KCP: variants seen among roughly 807,000 people sequenced by gnomAD.
KCP encodes the protein kielin cysteine rich BMP regulator.
KCP carries 194 observed loss-of-function variants against 212.7 expected under a neutral mutation model. The ratio of observed to expected loss-of-function variants is 0.91; its 90% CI spans 0.81 to 1.03. The LOEUF (loss-of-function observed/expected upper bound fraction) is 1.03. KCP is among the 50% of genes least tolerant of loss of function. The pLI, the probability that KCP is intolerant of heterozygous loss-of-function variation, is 0.00. For synonymous variants in KCP, 833 were observed against 865.3 expected (o/e 0.96, Z 0.65); for missense variants, 2,080 against 2,162.5 (o/e 0.96, Z 0.76).
chr7:128,880,512 G>T lies in KCP; in HGVS notation c.3633C>A (p.Cys1211Ter). The T allele has an allele frequency of 2.0e-6, 3 of 1,509,572 alleles. No individual in the cohort carries two copies. The highest frequency in any genetic ancestry group is 2.7e-6 in the Non-Finnish European group (3 of 1,120,930). The allele number at this position is 1,509,572 out of a possible 1,614,324, so 93.5% of individuals were successfully genotyped here. A position where few individuals can be genotyped will look rare whatever the true frequency, so the allele number is the denominator to read the frequency against. ...AGGCCACCTCACGGCCCTGGTGCAC[G>T]CAGGACTGGGTGGGAGCTGAAGGGA... ...CERCQAPTQS[C>*]VHQGREVASG... Residue 1211 changes from cysteine (C) to a stop codon, truncating the protein, a stop_gained, in exon 34 of 40, where the codon TGC (cysteine) becomes TGA (stop). Coordinates refer to ENST00000610776, the MANE Select transcript of KCP (RefSeq NM_001366122.1). LOFTEE classifies it high-confidence loss of function.
Position 128,893,821 on chromosome 7 carries a change from AGCACT to A in KCP, c.1079_1083del (p.Gln360LeufsTer8). The A allele has an allele frequency of 1.9e-6, 3 of 1,551,072 alleles. No individual in the cohort carries two copies. In the East Asian group the frequency reaches 7.3e-5, roughly 38 times the overall value. On this transcript the variant is annotated frameshift_variant, in exon 11 of 40. Transcript: ENST00000610776. LOFTEE classifies it high-confidence loss of function. ...CCCCACTCACCATCGCAGACAGGGCAGCACTGCCCAGGGATCTTGCCTGGGTGTCT... is the reference window on the plus strand; with the variant it reads ...CCCCACTCACCATCGCAGACAGGGCAGCCCAGGGATCTTGCCTGGGTGTCT...
chr7:128,890,639 G>T, intron 20 of KCP, 126 bp from the exon 21 acceptor site: 2 of 734,722 alleles, frequency 2.7e-6, no homozygotes, highest in East Asian at 5.6e-5. Context: ...GGTCGTGGGG[G>T]CTGGGGGTCC....
rs2128947393 is a variant in KCP, at chr7:128,891,443, A to G, written c.1878+8T>C. 1 of 1,550,136 alleles carries G rather than the reference A, an allele frequency of 6.5e-7. No individual in the cohort carries two copies. Among genetic ancestry groups the G allele is most frequent in the Admixed American group, 2.0e-5 (1 of 50,994 alleles). ...CCCTGGGCGCCTCCCACCCAGGTGCAGACTCACCAGACAGCGACACAGACG... is the reference window on the plus strand; with the variant it reads ...CCCTGGGCGCCTCCCACCCAGGTGCGGACTCACCAGACAGCGACACAGACG... On this transcript the variant is annotated splice_region_variant and intron_variant, in intron 18 of 39. Transcript: ENST00000610776.
rs1794074807 is a variant in KCP, at chr7:128,890,905, C to T, written c.2164G>A (p.Gly722Ser). Residue 722 changes from glycine (G) to serine (S), a missense_variant and splice_region_variant, in exon 20 of 40, where the codon GGC (glycine) becomes AGC (serine). Transcript: ENST00000610776. ...RQGPCCPSCD[G>S]CLYQGKEFAS... The stretch of plus-strand genomic sequence containing the variant: ...GGGAGGGGCACCGCCAGGGCGTTAC[C>T]GTCGCAGGAGGGGCAGCAAGGCCCC... 1 of 1,246,246 alleles carries T rather than the reference C, an allele frequency of 8.0e-7. No individual in the cohort carries two copies. The highest frequency in any genetic ancestry group is 1.0e-6 in the Non-Finnish European group (1 of 1,000,092). The allele number at this position is 1,246,246 out of a possible 1,614,324, so 77.2% of individuals were successfully genotyped here. A position where few individuals can be genotyped will look rare whatever the true frequency, so the allele number is the denominator to read the frequency against.
chr7:128,877,455 C>T (rs773503937), intron 39 of KCP, 29 bp downstream of exon 39: 1 of 1,549,064 alleles, frequency 6.5e-7, no homozygotes. Context: ...TGAGCCTCCC[C>T]CAACCTGCAG....
chr7:128,904,254 G>A (rs1272786798), intron 5 of KCP, 116 bp from the exon 6 acceptor site: 6 of 1,542,716 alleles, frequency 3.9e-6, no homozygotes, highest in African/African-American at 1.4e-5. Context: ...AAGGGATGGC[G>A]GGGCAGGGCA....
intron 29 of KCP, among the ~76,000 whole-genome samples, chr7:128,883,326 G>C (rs1409710815): frequency 1.3e-5 from 2 of 152,014 alleles, no homozygotes; most frequent in East Asian, 3.9e-4. Context: ...TTTTAGTAGA[G>C]ACGGGGTTTC....
Position 128,877,048 on chromosome 7 carries a change from G to A in KCP, c.4882C>T (p.Pro1628Ser), listed in dbSNP as rs1252380711. 6.5e-7 allele frequency: 1 copy of A among 1,532,770 alleles called. No individual in the cohort carries two copies. Among genetic ancestry groups the A allele is most frequent in the Non-Finnish European group, 8.8e-7 (1 of 1,142,260 alleles). 94.9% of individuals were successfully genotyped at this position (1,532,770 alleles called of 1,614,324 possible). A position where few individuals can be genotyped will look rare whatever the true frequency, so the allele number is the denominator to read the frequency against. The change falls in exon 40 of 40, where the codon CCC (proline) becomes TCC (serine). Residue 1628 changes from proline (P) to serine (S), a missense_variant. By Grantham distance (74) the Pro-to-Ser change is moderately conservative. Transcript: ENST00000610776. ...PSPSREPQET[P>S] ...TTATCAGGCACTGTCCTGGCTCAGG[G>A]TGTCTCCTGGGGCTCCCGGCTGGGG...
chr7:128,909,131 T>C (rs1013382093), intron 1 of KCP, among the ~76,000 whole-genome samples: 1 of 152,170 alleles, frequency 6.6e-6, no homozygotes, highest in Admixed American at 6.5e-5. Flanking sequence ...ACGGGGCACC[T>C]CTGAGCTCTG....
In KCP at chr7:128,892,957, G is replaced by A; in HGVS notation, c.1332C>T (p.Cys444=). 3 of 1,327,128 alleles carry A rather than the reference G, an allele frequency of 2.3e-6. No homozygotes were observed. The highest frequency in any genetic ancestry group is 3.2e-6 in the Non-Finnish European group (3 of 941,976). 82.2% of individuals were successfully genotyped at this position (1,327,128 alleles called of 1,614,324 possible). A position where few individuals can be genotyped will look rare whatever the true frequency, so the allele number is the denominator to read the frequency against. Residue 444 remains cysteine, a synonymous_variant, in exon 14 of 40, where the codon TGC becomes TGT. Coordinates refer to ENST00000610776, the MANE Select transcript of KCP (RefSeq NM_001366122.1). ...GVQWEPDGRP[C]TACVCQDGVP... ...CCCCATCTTGACAGACGCAGGCGGT[G>A]CAGGGCCGACCATCAGGCTCCCACT...
rs941449962 is a variant in KCP at position 128,888,984 on chromosome 7, TC to T, written c.2390del (p.Arg797GlnfsTer14). The T allele has an allele frequency of 7.1e-6, 11 of 1,542,886 alleles. No homozygotes were observed. Among genetic ancestry groups the T allele is most frequent in the African/African-American group, 1.4e-5 (1 of 72,388 alleles). On this transcript the variant is annotated frameshift_variant, in exon 22 of 40. Transcript: ENST00000610776. LOFTEE classifies it high-confidence loss of function. ...YLSNQEFPDP[R>X]EPCNLCTCLG... ...GACAGGTACACAGGTTGCAGGGTTC[TC>T]GGGGGTCTGGGAACTCCTGGTTACT...
At position 128,903,755 on chromosome 7, in the gene KCP, C is replaced by T; in HGVS notation, c.720G>A (p.Arg240=). 6.4e-7 allele frequency: 1 copy of T among 1,550,986 alleles called. No homozygotes were observed. Among genetic ancestry groups the T allele is most frequent in the Non-Finnish European group, 8.7e-7 (1 of 1,146,702 alleles). ...GGCAGGTTGGGCAGCAGTGCCCAGG[C>T]CTCAGCACTGGCTCTGGGCAGGGGC... The part of the protein sequence containing the change: ...PPSPCPEPVL[R]PGHCCPTCQG... The change falls in exon 7 of 40, where the codon AGG becomes AGA. Residue 240 remains arginine, a synonymous_variant. Transcript: ENST00000610776.
chr7:128,878,035 G>A (rs1422248402), intron 38 of KCP, among the ~76,000 whole-genome samples: 1 of 152,020 alleles, frequency 6.6e-6, no homozygotes, highest in Non-Finnish European at 1.5e-5. Context: ...CAAGGCTTGA[G>A]GGTTCAGGTA....
intron 32 of KCP, 115 bp from the exon 33 acceptor site, chr7:128,880,836 C>T (rs1585195448): frequency 1.2e-5 from 5 of 402,058 alleles, no homozygotes; most frequent in East Asian, 7.1e-5. Flanking sequence ...ATACATTCTT[C>T]ACAGTTCAAG....
At chr7:128,906,462 G>T (rs529571417) in intron 4 of KCP, 99 bp from the exon 5 acceptor site, 8 of 858,186 alleles carry the variant, frequency 9.3e-6, no homozygotes, top group African/African-American at 1.7e-5. Context: ...ATGTCATAGG[G>T]GCAAGAGGAT....
At chr7:128,885,074 C>G (rs1793562946) in intron 27 of KCP, 23 bp downstream of exon 27, 1 of 1,550,496 alleles carries the variant, frequency 6.4e-7, no homozygotes, top group South Asian at 1.2e-5. Context: ...CGCCTTTCCC[C>G]TCCCGCCCCA....
In KCP at chr7:128,880,494, C is replaced by T; in HGVS notation, c.3651G>A (p.Glu1217=). The change falls in exon 34 of 40, where the codon GAG becomes GAA. Residue 1217 remains glutamate, a synonymous_variant. Transcript: ENST00000610776. ...CAGTCCAGCGCTCTCCAGAGGCCACCTCACGGCCCTGGTGCACGCAGGACT... is the reference window on the plus strand; with the variant it reads ...CAGTCCAGCGCTCTCCAGAGGCCACTTCACGGCCCTGGTGCACGCAGGACT... ...PTQSCVHQGR[E]VASGERWTVD... 6.5e-7 allele frequency: 1 copy of T among 1,530,060 alleles called. No homozygotes were observed. The highest frequency in any genetic ancestry group is 8.8e-7 in the Non-Finnish European group (1 of 1,133,354). 94.8% of individuals were successfully genotyped at this position (1,530,060 alleles called of 1,614,324 possible). A position where few individuals can be genotyped will look rare whatever the true frequency, so the allele number is the denominator to read the frequency against.
intron 16 of KCP, 55 bp from the exon 17 acceptor site, chr7:128,891,874 G>T: frequency 7.5e-7 from 1 of 1,327,674 alleles, no homozygotes. Context: ...AGTCCCTCCA[G>T]CCCTGGAGTC....
chr7:128,887,585 A>C, intron 22 of KCP, among the ~76,000 whole-genome samples: 1 of 144,270 alleles, frequency 6.9e-6, no homozygotes. Flanking sequence ...CTCCCCCTCC[A>C]CACATACACA....
Sources: gnomAD v4.1 joint callset for allele counts (sites outside exome capture counted in the v4.1 genomes callset) on GRCh38, gnomAD v4.1.1 for gene constraint, MANE v1.5 for transcripts, NCBI Gene and HGNC (gene_info 2026-07-23, HGNC 2026-07-21) for gene names.